Variants in RALYL observed in about 807,000 individuals in gnomAD.
The protein encoded by RALYL is RNA-binding Raly-like protein.
RALYL carries 29 observed loss-of-function variants against 35.1 expected under a neutral mutation model. The ratio of observed to expected loss-of-function variants is 0.83; its 90% confidence interval spans 0.61 to 1.13. The LOEUF is 1.13. Ranked by LOEUF, RALYL falls within the 50% of genes most tolerant of loss-of-function variation. The probability of loss-of-function intolerance (pLI) is 0.00; values close to 1 mark genes in which losing one functional copy is unlikely to be tolerated. For synonymous variants in RALYL, 120 were observed against 127.6 expected (o/e 0.94, Z 0.40); for missense variants, 359 against 360.4 (o/e 1.00, Z 0.03).
intron 1 of RALYL, among the ~76,000 whole-genome samples, chr8:84,297,591 C>G (rs779334356): frequency 6.6e-6 from 1 of 151,950 alleles, no homozygotes; most frequent in Admixed American, 6.6e-5. Flanking sequence ...ATTGATAGGT[C>G]GAATGGTAGT....
chr8:84,574,241 G>C (rs897351794), intron 2 of RALYL, among the ~76,000 whole-genome samples: 2 of 151,794 alleles, frequency 1.3e-5, no homozygotes, highest in Non-Finnish European at 2.9e-5. Flanking sequence ...TTAATTCCTT[G>C]GTTGTTCAAA....
chr8:84,920,947 A>T lies in RALYL; in HGVS notation c.*36A>T. 7.4e-7 allele frequency: 1 copy of T among 1,359,656 alleles called. No homozygotes were observed. The highest frequency in any genetic ancestry group is 9.9e-7 in the Non-Finnish European group (1 of 1,009,082). The allele number at this position is 1,359,656 out of a possible 1,614,324, so 84.2% of individuals were successfully genotyped here. On this transcript the variant is annotated 3_prime_UTR_variant, in exon 9 of 9. Coordinates refer to ENST00000521268, the MANE Select transcript of RALYL (RefSeq NM_173848.7). Reference sequence around the variant, plus strand: ...CGCATGATGCCACAAAGCAGAAAAGAGAAACTGTGACAACCCCCAGAAATG... The same window carrying T: ...CGCATGATGCCACAAAGCAGAAAAGTGAAACTGTGACAACCCCCAGAAATG...
At chr8:84,375,130 G>C (rs919968130) in intron 1 of RALYL, among the ~76,000 whole-genome samples, 2 of 151,882 alleles carry the variant, frequency 1.3e-5, no homozygotes, top group African/African-American at 4.8e-5. Context: ...TCACAGCAGA[G>C]TAAATGGGGC....
intron 1 of RALYL, among the ~76,000 whole-genome samples, chr8:84,425,839 G>T (rs1301261023): frequency 2.0e-5 from 3 of 147,406 alleles, no homozygotes; most frequent in Non-Finnish European, 4.5e-5. Context: ...TGCTTGAAAG[G>T]TAGTCAGCTA....
At chr8:84,274,849 A>T (rs1835043992) in intron 1 of RALYL, among the ~76,000 whole-genome samples, 1 of 152,168 alleles carries the variant, frequency 6.6e-6, no homozygotes, top group Admixed American at 6.5e-5. Flanking sequence ...GCCATATGGC[A>T]TCTGAAAGAG....
intron 7 of RALYL, 140 bp downstream of exon 7, chr8:84,873,537 A>T: frequency 2.1e-6 from 1 of 466,798 alleles, no homozygotes; most frequent in East Asian, 3.3e-5. Context: ...CTTTAAGCCC[A>T]GAGTTGCAAT....
intron 1 of RALYL, among the ~76,000 whole-genome samples, chr8:84,400,211 C>A (rs779722995): frequency 6.6e-6 from 1 of 152,084 alleles, no homozygotes; most frequent in Non-Finnish European, 1.5e-5. Context: ...GGGATGGAAC[C>A]CAATTCTAAA....
chr8:84,769,982 C>T (rs1168528026), intron 2 of RALYL, among the ~76,000 whole-genome samples: 1 of 152,154 alleles, frequency 6.6e-6, no homozygotes, highest in African/African-American at 2.4e-5. Context: ...CCAAGTCCCA[C>T]ACTTTTTCTA....
intron 2 of RALYL, among the ~76,000 whole-genome samples, chr8:84,580,004 A>G (rs1810455508): frequency 6.6e-6 from 1 of 152,140 alleles, no homozygotes; most frequent in Non-Finnish European, 1.5e-5. Context: ...TATCACTTCA[A>G]TGGTTAATTA....
intron 1 of RALYL, among the ~76,000 whole-genome samples, chr8:84,413,242 A>G (rs541421286): frequency 2.0e-5 from 3 of 151,624 alleles, no homozygotes; most frequent in East Asian, 3.9e-4. Flanking sequence ...TTAAAGATCT[A>G]GGAACTTTTT....
intron 1 of RALYL, 41 bp from the exon 2 acceptor site, chr8:84,529,258 C>T (rs1180445139): frequency 1.3e-6 from 2 of 1,540,936 alleles, no homozygotes; most frequent in Non-Finnish European, 1.8e-6. Flanking sequence ...AATGATTTAC[C>T]TTTTGATTAT....
At chr8:84,244,874 G>A (rs539921371) in intron 1 of RALYL, among the ~76,000 whole-genome samples, 1 of 152,148 alleles carries the variant, frequency 6.6e-6, no homozygotes, top group Non-Finnish European at 1.5e-5. Context: ...GATTTTGCCA[G>A]ATATGTAAAC....
intron 1 of RALYL, among the ~76,000 whole-genome samples, chr8:84,446,234 T>C (rs1408167289): frequency 6.6e-6 from 1 of 152,016 alleles, no homozygotes; most frequent in African/African-American, 2.4e-5. Flanking sequence ...CTCAAGGAAG[T>C]AGCATACATA....
intron 2 of RALYL, among the ~76,000 whole-genome samples, chr8:84,583,326 C>A (rs1330376846): frequency 1.3e-5 from 2 of 152,054 alleles, no homozygotes; most frequent in African/African-American, 4.8e-5. Context: ...TGAGTGAGAT[C>A]TGTGCCTATG....
chr8:84,309,563 T>C (rs890598794), intron 1 of RALYL, among the ~76,000 whole-genome samples: 1 of 152,094 alleles, frequency 6.6e-6, no homozygotes, highest in African/African-American at 2.4e-5. Flanking sequence ...ATATCCAGAT[T>C]AGTGAAATAG....
At chr8:84,239,012 T>C (rs140902521) in intron 1 of RALYL, among the ~76,000 whole-genome samples, 84 of 152,320 alleles carry the variant, frequency 5.5e-4, no homozygotes, top group African/African-American at 1.9e-3. Flanking sequence ...AAAGACATCT[T>C]ATACCATGTT....
At chr8:84,655,294 G>GT (rs59135306) in intron 2 of RALYL, among the ~76,000 whole-genome samples, 3,338 of 147,050 alleles carry the variant, frequency 0.023, 46 homozygotes, top group African/African-American at 0.041. Flanking sequence ...GATTATTAGG[G>GT]TTTTTTTTTT....
At chr8:84,199,266 C>T (rs1034763736) in intron 1 of RALYL, among the ~76,000 whole-genome samples, 6 of 150,830 alleles carry the variant, frequency 4.0e-5, no homozygotes, top group Middle Eastern at 3.5e-3. Flanking sequence ...CGGTGATGAT[C>T]GGTGACCTTT....
At chr8:84,850,099 TG>T (rs1835524149) in intron 5 of RALYL, 72 bp downstream of exon 5, 1 of 760,740 alleles carries the variant, frequency 1.3e-6, no homozygotes, top group African/African-American at 1.8e-5. Context: ...ATTTTATTCA[TG>T]GGTGCTCTTA....
Sources: gnomAD v4.1 joint callset for allele counts (sites outside exome capture counted in the v4.1 genomes callset) on GRCh38, gnomAD v4.1.1 for gene constraint, MANE v1.5 for transcripts, NCBI Gene and HGNC (gene_info 2026-07-23, HGNC 2026-07-21) for gene names.